The following MAMDC2 variants were observed in gnomAD, a reference collection of about 807,000 sequenced individuals.
The protein encoded by MAMDC2 is MAM domain containing 2, also known as MAM domain-containing protein 2.
A neutral mutation model predicts 89.8 loss-of-function variants in MAMDC2; 57 were observed. The observed-to-expected ratio is 0.63, with a 90% CI of 0.51 to 0.79. MAMDC2 has a LOEUF of 0.79. MAMDC2 is among the 30% of genes least tolerant of loss of function. MAMDC2 has a pLI of 0.00. For missense variants in MAMDC2, 800 were observed against 820.6 expected (o/e 0.97, Z 0.31); for synonymous variants, 313 against 293.4 (o/e 1.07, Z -0.68).
chr9:70,051,817 C>T (rs1440936989), intron 2 of MAMDC2, among the ~76,000 whole-genome samples: 2 of 152,084 alleles, frequency 1.3e-5, no homozygotes, highest in Admixed American at 6.6e-5. Flanking sequence ...GTTATGCATT[C>T]AGGTCTAGGT....
chr9:70,095,909 C>T (rs1828016978), intron 2 of MAMDC2, among the ~76,000 whole-genome samples: 1 of 152,170 alleles, frequency 6.6e-6, no homozygotes, highest in South Asian at 2.1e-4. Context: ...ATCCCACTCA[C>T]AGTGATAATG....
intron 9 of MAMDC2, among the ~76,000 whole-genome samples, chr9:70,152,286 A>C (rs770093201): frequency 7.6e-6 from 1 of 132,438 alleles, no homozygotes; most frequent in South Asian, 3.0e-4. Context: ...CAACGCTAAG[A>C]GTTTCCCTCA....
intron 8 of MAMDC2, 55 bp from the exon 9 acceptor site, chr9:70,143,499 T>C: frequency 6.4e-7 from 1 of 1,556,018 alleles, no homozygotes; most frequent in African/African-American, 1.4e-5. Flanking sequence ...TTTTACCACT[T>C]GCTAATCTAG....
intron 2 of MAMDC2, among the ~76,000 whole-genome samples, chr9:70,059,173 A>T (rs1256685723): frequency 6.6e-6 from 1 of 152,204 alleles, no homozygotes; most frequent in Non-Finnish European, 1.5e-5. Context: ...AGGAAACACC[A>T]CAGAAGCCTG....
chr9:70,045,807 A>G (rs927340333), intron 2 of MAMDC2, among the ~76,000 whole-genome samples: 5 of 152,224 alleles, frequency 3.3e-5, no homozygotes, highest in Admixed American at 6.5e-5. Context: ...TCCATATCAC[A>G]GTGTCACTGA....
chr9:70,164,320 T>C (rs1182674197), intron 9 of MAMDC2, among the ~76,000 whole-genome samples: 1 of 152,236 alleles, frequency 6.6e-6, no homozygotes, highest in Non-Finnish European at 1.5e-5. Context: ...ATTTTTAGTA[T>C]AGTAGAGAGT....
rs5898124 is a variant in MAMDC2 at position 70,179,873 on chromosome 9, CTT to C, written c.1651+9253_1651+9254del. Among the ~76,000 whole-genome samples, 85 of 135,824 alleles carry C rather than the reference CTT, an allele frequency of 6.3e-4. 2 individuals are homozygous for C. In the East Asian group the frequency reaches 0.014, roughly 23 times the overall value. The allele number at this position is 135,824 out of a possible 152,430, so 89.1% of individuals were successfully genotyped here. ...AAAAGGATAAATGGATAAAATATTCCTTTTTTTTTTTTACATTAATTTCTGGG... is the reference window on the plus strand; with the variant it reads ...AAAAGGATAAATGGATAAAATATTCCTTTTTTTTTTACATTAATTTCTGGG... On this transcript the variant is annotated intron_variant, in intron 11 of 13. Coordinates refer to ENST00000377182, the MANE Select transcript of MAMDC2 (RefSeq NM_153267.5).
At chr9:70,084,769 T>C (rs1827730938) in intron 2 of MAMDC2, among the ~76,000 whole-genome samples, 1 of 152,096 alleles carries the variant, frequency 6.6e-6, no homozygotes, top group South Asian at 2.1e-4. Context: ...AAATGATATA[T>C]CTTTGAACTT....
chr9:70,217,431 G>C (rs2033469886), intron 11 of MAMDC2: 1 of 1,327,862 alleles, frequency 7.5e-7, no homozygotes, highest in Non-Finnish European at 1.1e-6. Flanking sequence ...TCAAATTCCA[G>C]AGGGCCATTA....
Position 70,108,793 on chromosome 9 carries a change from T to A in MAMDC2, c.420+311T>A, listed in dbSNP as rs1032354320. ...GCTTTAGGGAGTATTCTCATTTCTA[T>A]AATTTTATTTCATCCTTCTAAATTG... On this transcript the variant is annotated intron_variant, in intron 3 of 13. Coordinates refer to ENST00000377182, the MANE Select transcript of MAMDC2 (RefSeq NM_153267.5). Among the ~76,000 whole-genome samples the A allele has an allele frequency of 4.6e-5, 7 of 152,354 alleles. No individual in the cohort carries two copies. In the South Asian group the frequency reaches 1.4e-3, roughly 32 times the overall value.
At chr9:70,057,334 C>G (rs573471643) in intron 2 of MAMDC2, among the ~76,000 whole-genome samples, 5 of 152,282 alleles carry the variant, frequency 3.3e-5, no homozygotes, top group African/African-American at 1.2e-4. Flanking sequence ...AAGTGGCCCT[C>G]TTGCCTATCA....
intron 6 of MAMDC2, 75 bp downstream of exon 6, chr9:70,126,490 G>A (rs1263377644): frequency 1.4e-6 from 2 of 1,473,778 alleles, no homozygotes; most frequent in Non-Finnish European, 1.8e-6. Flanking sequence ...GCTGGAGATG[G>A]AGAGGCTGTG....
intron 9 of MAMDC2, among the ~76,000 whole-genome samples, chr9:70,154,587 C>G (rs564817243): frequency 1.3e-5 from 2 of 148,992 alleles, no homozygotes; most frequent in Admixed American, 6.8e-5. Context: ...TGCAGTGGCA[C>G]GATCATGGTT....
At chr9:70,142,318 G>A (rs1477746013) in intron 8 of MAMDC2, among the ~76,000 whole-genome samples, 1 of 152,166 alleles carries the variant, frequency 6.6e-6, no homozygotes, top group African/African-American at 2.4e-5. Flanking sequence ...CCGTGGGGAG[G>A]AATGGTGACG....
At chr9:70,165,028 A>AT (rs966672038) in intron 9 of MAMDC2, among the ~76,000 whole-genome samples, 28 of 151,406 alleles carry the variant, frequency 1.8e-4, no homozygotes, top group Admixed American at 1.1e-3. Context: ...TTAAGCTAAG[A>AT]TTTTTTCTAG....
intron 11 of MAMDC2, among the ~76,000 whole-genome samples, chr9:70,183,294 C>T (rs528387770): frequency 4.2e-4 from 64 of 152,144 alleles, no homozygotes; most frequent in African/African-American, 1.1e-3. Context: ...AGAATAAGTG[C>T]GATGTGTTGC....
chr9:70,049,029 C>T (rs1309777953), intron 2 of MAMDC2, among the ~76,000 whole-genome samples: 1 of 152,120 alleles, frequency 6.6e-6, no homozygotes, highest in Non-Finnish European at 1.5e-5. Context: ...CTCAGGTGAA[C>T]AGGAAGTAAA....
At chr9:70,124,273 G>A (rs1486489626) in intron 5 of MAMDC2, among the ~76,000 whole-genome samples, 1 of 152,140 alleles carries the variant, frequency 6.6e-6, no homozygotes, top group Non-Finnish European at 1.5e-5. Flanking sequence ...GGGGAAATAT[G>A]ATTTCAAATA....
Position 70,045,526 on chromosome 9 carries a change from C to T in MAMDC2, c.148+829C>T, listed in dbSNP as rs1218898929. On this transcript the variant is annotated intron_variant, in intron 2 of 13. Transcript: ENST00000377182. ...ACTATTTGGATTGGAAAATAGCCTTCTTTAAAAAACATGGTACCCTAGATG... is the reference window on the plus strand; with the variant it reads ...ACTATTTGGATTGGAAAATAGCCTTTTTTAAAAAACATGGTACCCTAGATG... Among the ~76,000 whole-genome samples, 2 of 152,132 alleles carry T rather than the reference C, an allele frequency of 1.3e-5. 1 individual carries two copies.
Sources: allele counts gnomAD v4.1 joint callset (sites outside exome capture counted in the v4.1 genomes callset), GRCh38; gene constraint gnomAD v4.1.1; transcripts MANE v1.5; gene names NCBI Gene and HGNC (gene_info 2026-07-23, HGNC 2026-07-21).